CERT1: variants seen among roughly 807,000 people sequenced by gnomAD.
CERT1 encodes the protein ceramide transfer protein.
Under a neutral mutation model 87.9 loss-of-function variants are expected in CERT1, and 31 were observed. The ratio of observed to expected loss-of-function variants is 0.35; its 90% confidence interval spans 0.27 to 0.48. CERT1 has a LOEUF of 0.48. Ranked by LOEUF, CERT1 falls within the 20% of genes least tolerant of loss-of-function variation. The pLI is 0.99. For missense variants in CERT1, 487 were observed against 758.0 expected, an observed-to-expected ratio of 0.64 and a Z score of 4.20; for synonymous variants, 289 against 250.9, an observed-to-expected ratio of 1.15 and a Z score of -1.44.
intron 2 of CERT1, among the ~76,000 whole-genome samples, chr5:75,480,213 T>C (rs994469894): frequency 6.6e-6 from 1 of 152,224 alleles, no homozygotes; most frequent in African/African-American, 2.4e-5. Context: ...ATTCTGAACC[T>C]AGGTACTTAC....
intron 5 of CERT1, among the ~76,000 whole-genome samples, chr5:75,422,341 C>T (rs1440232286): frequency 1.3e-5 from 2 of 152,114 alleles, no homozygotes; most frequent in African/African-American, 4.8e-5. Flanking sequence ...TCAGGCTGGG[C>T]GTGGTGGCTT....
chr5:75,500,811 G>A (rs557065867), intron 2 of CERT1, among the ~76,000 whole-genome samples: 75 of 152,196 alleles, frequency 4.9e-4, no homozygotes, highest in Admixed American at 2.0e-3. Context: ...CATCTTTGAT[G>A]ATACCCAATT....
intron 11 of CERT1, among the ~76,000 whole-genome samples, chr5:75,392,507 T>C (rs1448234711): frequency 6.6e-6 from 1 of 152,204 alleles, no homozygotes; most frequent in Admixed American, 6.5e-5. Flanking sequence ...AAGAGAGGTA[T>C]ACAGGTAAAA....
intron 3 of CERT1, among the ~76,000 whole-genome samples, chr5:75,440,091 A>G (rs1764259143): frequency 3.9e-5 from 6 of 152,016 alleles, no homozygotes; most frequent in Admixed American, 3.9e-4. Flanking sequence ...TCTATACTAA[A>G]CCTAAATACC....
intron 11 of CERT1, among the ~76,000 whole-genome samples, chr5:75,398,646 TTCCAATGGTAATCTGATTTTATTTTGAGG>T (rs1561233469): frequency 6.6e-6 from 1 of 152,188 alleles, no homozygotes; most frequent in Non-Finnish European, 1.5e-5. Context: ...AAAAAACTTC[TTCCAATGGTAATCTGATTTTATTTTGAGG>T]GTACAGACTT....
rs142835278 is a variant in CERT1, at chr5:75,406,516, G to C, written c.931-3458C>G. Among the ~76,000 whole-genome samples, 201 of 151,386 alleles carry C rather than the reference G, an allele frequency of 1.3e-3. 2 individuals are homozygous for C. Among genetic ancestry groups the C allele is most frequent in the African/African-American group, 4.7e-3 (192 of 41,240 alleles). On this transcript the variant is annotated intron_variant, in intron 8 of 16. Transcript: ENST00000643780. ...TTTCTTGTTGTATTCTCCAAGCCTA[G>C]TGTAGTGCCCTACATTATGGTAAGT...
chr5:75,397,685 A>G (rs1762310599), intron 11 of CERT1, among the ~76,000 whole-genome samples: 1 of 152,206 alleles, frequency 6.6e-6, no homozygotes, highest in South Asian at 2.1e-4. Context: ...AGTATTATGT[A>G]GTTTTGTCAC....
rs142056357 is a variant in CERT1 at position 75,451,671 on chromosome 5, A to G, written c.348+7394T>C. Among the ~76,000 whole-genome samples the G allele has an allele frequency of 4.5e-3, 679 of 152,328 alleles. 2 individuals are homozygous for G. The highest frequency in any genetic ancestry group is 0.015 in the African/African-American group (625 of 41,582). ...CTGTTAAAATCCAATATTGATTTTAAATGGCACAAACCAACAGTATGACTT... is the reference window on the plus strand; with the variant it reads ...CTGTTAAAATCCAATATTGATTTTAGATGGCACAAACCAACAGTATGACTT... On this transcript the variant is annotated intron_variant, in intron 3 of 16. Coordinates refer to ENST00000643780, the MANE Select transcript of CERT1 (RefSeq NM_001379029.1).
intron 8 of CERT1, among the ~76,000 whole-genome samples, chr5:75,404,218 A>G (rs914885999): frequency 1.3e-5 from 2 of 151,040 alleles, no homozygotes; most frequent in African/African-American, 2.4e-5. Flanking sequence ...GTCATTTGGC[A>G]TATAAGAAAT....
intron 2 of CERT1, among the ~76,000 whole-genome samples, chr5:75,469,681 G>C (rs1267517188): frequency 2.0e-5 from 3 of 151,962 alleles, no homozygotes; most frequent in African/African-American, 4.8e-5. Context: ...AGTAAGAATA[G>C]AAAACAATTA....
At chr5:75,505,943 CAAT>C (rs747085810) in intron 2 of CERT1, 36 bp downstream of exon 2, 1 of 1,548,570 alleles carries the variant, frequency 6.5e-7, no homozygotes, top group Non-Finnish European at 8.9e-7. Context: ...AGCTGACACT[CAAT>C]AAATATTTGT....
intron 3 of CERT1, among the ~76,000 whole-genome samples, chr5:75,431,927 A>G (rs990313206): frequency 1.3e-5 from 2 of 152,202 alleles, no homozygotes; most frequent in African/African-American, 4.8e-5. Context: ...CTATGGGTAT[A>G]TACACAGTAA....
intron 1 of CERT1, 21 bp from the exon 2 acceptor site, chr5:75,506,137 G>A: frequency 1.2e-6 from 2 of 1,603,096 alleles, no homozygotes; most frequent in Non-Finnish European, 1.7e-6. Flanking sequence ...GAAGGGGAAG[G>A]GAAGAGAGAA....
chr5:75,413,030 C>G (rs945878534), intron 7 of CERT1, among the ~76,000 whole-genome samples: 28 of 152,042 alleles, frequency 1.8e-4, no homozygotes, highest in Admixed American at 1.6e-3. Context: ...TACAGCAGCA[C>G]AAAAATATTT....
At chr5:75,461,226 A>C (rs1337622558) in intron 2 of CERT1, among the ~76,000 whole-genome samples, 1 of 152,204 alleles carries the variant, frequency 6.6e-6, no homozygotes, top group Non-Finnish European at 1.5e-5. Context: ...CAGGCAAGCA[A>C]GCATTACCAC....
intron 2 of CERT1, among the ~76,000 whole-genome samples, chr5:75,467,650 G>GAAAAAAAAAAAAA (rs58587061): frequency 1.5e-5 from 2 of 132,986 alleles, no homozygotes; most frequent in Non-Finnish European, 1.6e-5. Context: ...CCAAAAAAAA[G>GAAAAAAAAAAAAA]AAAAAAAAAA....
intron 3 of CERT1, among the ~76,000 whole-genome samples, chr5:75,443,802 G>A (rs962155557): frequency 1.3e-5 from 2 of 151,998 alleles, no homozygotes; most frequent in African/African-American, 4.8e-5. Context: ...TTCTGTTTTT[G>A]TTTCATATTA....
intron 11 of CERT1, among the ~76,000 whole-genome samples, chr5:75,396,739 A>AC (rs59914191): frequency 0.032 from 4,844 of 151,744 alleles, 125 homozygotes; most frequent in African/African-American, 0.061. Context: ...CAAAAAAAAA[A>AC]AAAAAACAAA....
chr5:75,436,715 T>C (rs1764112248), intron 3 of CERT1, among the ~76,000 whole-genome samples: 1 of 152,202 alleles, frequency 6.6e-6, no homozygotes, highest in Non-Finnish European at 1.5e-5. Context: ...TATTTTATAA[T>C]ATTAAACACA....
Sources: allele counts gnomAD v4.1 joint callset (sites outside exome capture counted in the v4.1 genomes callset), GRCh38; gene constraint gnomAD v4.1.1; transcripts MANE v1.5; gene names NCBI Gene and HGNC (gene_info 2026-07-23, HGNC 2026-07-21).